Variants in MSRA observed in about 807,000 individuals in gnomAD.
MSRA encodes the protein mitochondrial peptide methionine sulfoxide reductase.
In MSRA, 54 loss-of-function variants were observed where a neutral mutation model predicts 31.3. The observed-to-expected ratio is 1.73, with a 90% CI of 1.39 to 2.17. The LOEUF (loss-of-function observed/expected upper bound fraction) is 2.17. Among genes scored for constraint, MSRA ranks in the 30% most tolerant of loss-of-function variants. The probability of loss-of-function intolerance (pLI) is 0.00; values close to 1 mark genes in which losing one functional copy is unlikely to be tolerated. For missense variants in MSRA, 507 were observed against 300.9 expected (o/e 1.69, Z -5.07); for synonymous variants, 169 against 116.5 (o/e 1.45, Z -2.90).
chr8:10,261,093 C>T (rs528969075), intron 3 of MSRA, among the ~76,000 whole-genome samples: 1 of 152,096 alleles, frequency 6.6e-6, no homozygotes, highest in East Asian at 1.9e-4. Context: ...AAAAGTAATT[C>T]TTGCTAGATA....
chr8:10,305,556 G>C (rs1402548215), intron 4 of MSRA, among the ~76,000 whole-genome samples: 1 of 152,070 alleles, frequency 6.6e-6, no homozygotes, highest in Non-Finnish European at 1.5e-5. Flanking sequence ...TTGGATTACA[G>C]GCATCCGCCA....
At chr8:10,339,667 G>C (rs996286478) in intron 5 of MSRA, among the ~76,000 whole-genome samples, 6 of 148,242 alleles carry the variant, frequency 4.0e-5, no homozygotes, top group Non-Finnish European at 5.9e-5. Flanking sequence ...TCAGCCTCCC[G>C]ACTAGGTGGG....
chr8:10,374,934 G>T (rs981891694), intron 5 of MSRA, among the ~76,000 whole-genome samples: 2 of 152,048 alleles, frequency 1.3e-5, no homozygotes, highest in African/African-American at 4.8e-5. Flanking sequence ...AAAGAGCTTG[G>T]ACCCTCCTCC....
chr8:10,154,420 C>G (rs915068685), intron 1 of MSRA, among the ~76,000 whole-genome samples: 1 of 151,972 alleles, frequency 6.6e-6, no homozygotes, highest in Non-Finnish European at 1.5e-5. Flanking sequence ...CTCTGTCGCC[C>G]AGGCTGGAGT....
In MSRA at chr8:10,379,193, A is replaced by G. The variant is rs147994997; in HGVS notation, c.544-48955A>G. On this transcript the variant is annotated intron_variant, in intron 5 of 5. Transcript: ENST00000317173. Reference sequence around the variant, plus strand: ...TGACTTGCCACTTTCCATTTTTGGAAAAGTCACCTGTCTGCCCAGGGAAAG... The same window carrying G: ...TGACTTGCCACTTTCCATTTTTGGAGAAGTCACCTGTCTGCCCAGGGAAAG... 3.9e-3 allele frequency among the ~76,000 whole-genome samples: 587 copies of G among 152,270 alleles called. 8 individuals carry two copies. The highest frequency in any genetic ancestry group is 0.014 in the African/African-American group (564 of 41,558).
rs552623987 is a variant in MSRA, at chr8:10,060,076, A to G, written c.142+5418A>G. Among the ~76,000 whole-genome samples the G allele has an allele frequency of 9.3e-5, 14 of 150,198 alleles. No homozygotes were observed. In the South Asian group the frequency reaches 1.9e-3, roughly 21 times the overall value. ...TTGTATCTATCAAAAATTCAAATGCATATACCTTTTGACCCAGGAATTCAA... is the reference window on the plus strand; with the variant it reads ...TTGTATCTATCAAAAATTCAAATGCGTATACCTTTTGACCCAGGAATTCAA... On this transcript the variant is annotated intron_variant, in intron 1 of 5. Coordinates refer to ENST00000317173, the MANE Select transcript of MSRA (RefSeq NM_012331.5).
intron 3 of MSRA, among the ~76,000 whole-genome samples, chr8:10,297,203 A>T (rs1004958601): frequency 6.6e-6 from 1 of 151,946 alleles, no homozygotes; most frequent in African/African-American, 2.4e-5. Flanking sequence ...CTTGGATTGG[A>T]TGCTTCGTCT....
chr8:10,208,021 T>A (rs1417251177), intron 2 of MSRA, 120 bp downstream of exon 2: 1 of 691,216 alleles, frequency 1.4e-6, no homozygotes, highest in Non-Finnish European at 2.4e-6. Flanking sequence ...ATTTACAAGT[T>A]GTTACAGCCA....
chr8:10,061,014 G>A (rs1022690023), intron 1 of MSRA, among the ~76,000 whole-genome samples: 12 of 152,196 alleles, frequency 7.9e-5, no homozygotes, highest in African/African-American at 2.7e-4. Flanking sequence ...GTAGGATACA[G>A]AATTGTTATT....
At chr8:10,195,566 A>G (rs753942525) in intron 1 of MSRA, among the ~76,000 whole-genome samples, 9 of 152,250 alleles carry the variant, frequency 5.9e-5, no homozygotes, top group Admixed American at 2.0e-4. Context: ...TTATCACTAT[A>G]TTATTTCCTG....
At chr8:10,188,698 C>T (rs1807260790) in intron 1 of MSRA, among the ~76,000 whole-genome samples, 1 of 152,180 alleles carries the variant, frequency 6.6e-6, no homozygotes, top group Non-Finnish European at 1.5e-5. Flanking sequence ...GCACCCTTGT[C>T]ACAATTAAAT....
chr8:10,185,881 G>C (rs6996281), intron 1 of MSRA, among the ~76,000 whole-genome samples: 1 of 151,722 alleles, frequency 6.6e-6, no homozygotes. Flanking sequence ...ATAAGATAGG[G>C]GTAATTTCCA....
rs568901895 is a variant in MSRA, at chr8:10,231,845, G to A, written c.212-13259G>A. 1.4e-4 allele frequency among the ~76,000 whole-genome samples: 22 copies of A among 152,284 alleles called. No individual in the cohort carries two copies. The East Asian group carries it at 4.2e-3, about 29-fold the overall frequency. Reference sequence around the variant, plus strand: ...TTGAGCCTGGGAGGCAGAGGTTGCAGTGATCCAAGATTGCATCACTGCACT... The same window carrying A: ...TTGAGCCTGGGAGGCAGAGGTTGCAATGATCCAAGATTGCATCACTGCACT... On this transcript the variant is annotated intron_variant, in intron 2 of 5. Coordinates refer to ENST00000317173, the MANE Select transcript of MSRA (RefSeq NM_012331.5).
chr8:10,368,553 C>A (rs1226686176), intron 5 of MSRA, among the ~76,000 whole-genome samples: 1 of 152,196 alleles, frequency 6.6e-6, no homozygotes, highest in Non-Finnish European at 1.5e-5. Flanking sequence ...TGGGGTGGTC[C>A]CAGTCCTGGT....
At chr8:10,142,599 T>C (rs1456867479) in intron 1 of MSRA, among the ~76,000 whole-genome samples, 1 of 152,254 alleles carries the variant, frequency 6.6e-6, no homozygotes, top group Admixed American at 6.5e-5. Flanking sequence ...AGTGTCTGAA[T>C]TTCTTTAACC....
chr8:10,161,332 G>C (rs964639477), intron 1 of MSRA, among the ~76,000 whole-genome samples: 1 of 152,132 alleles, frequency 6.6e-6, no homozygotes. Context: ...TCCTTGGGCA[G>C]GAATGGCACA....
chr8:10,240,963 C>G (rs1357929264), intron 2 of MSRA, among the ~76,000 whole-genome samples: 1 of 152,042 alleles, frequency 6.6e-6, no homozygotes. Flanking sequence ...GGGAGTCTGG[C>G]TTCCTATTCG....
chr8:10,144,417 G>A (rs185550636), intron 1 of MSRA, among the ~76,000 whole-genome samples: 211 of 152,278 alleles, frequency 1.4e-3, no homozygotes, highest in African/African-American at 4.7e-3. Flanking sequence ...CTCAGAGTCC[G>A]TGAGGATGAC....
chr8:10,195,947 G>C (rs1807933147), intron 1 of MSRA, among the ~76,000 whole-genome samples: 1 of 152,222 alleles, frequency 6.6e-6, no homozygotes, highest in African/African-American at 2.4e-5. Flanking sequence ...AGTGTTCAAG[G>C]GTGAAAGGTT....
Sources: allele counts gnomAD v4.1 joint callset (sites outside exome capture counted in the v4.1 genomes callset), GRCh38; gene constraint gnomAD v4.1.1; transcripts MANE v1.5; gene names NCBI Gene and HGNC (gene_info 2026-07-23, HGNC 2026-07-21).